CSGALNACT1: variants seen among roughly 807,000 people sequenced by gnomAD.
CSGALNACT1 encodes chondroitin sulfate N-acetylgalactosaminyltransferase 1, also known as beta4GalNAcT-1.
CSGALNACT1 carries 52 observed loss-of-function variants against 51.0 expected under a neutral mutation model. The ratio of observed to expected loss-of-function variants is 1.02; its 90% CI spans 0.82 to 1.29. The LOEUF is 1.29. Among genes scored for constraint, CSGALNACT1 ranks in the 50% most tolerant of loss-of-function variants. The probability of loss-of-function intolerance (pLI) is 0.00; values close to 1 mark genes in which losing one functional copy is unlikely to be tolerated. For missense variants in CSGALNACT1, 935 were observed against 679.2 expected (o/e 1.38, Z -4.19); for synonymous variants, 341 against 254.4 (o/e 1.34, Z -3.24).
chr8:19,481,382 C>G (rs73212558), intron 4 of CSGALNACT1, among the ~76,000 whole-genome samples: 29,419 of 151,982 alleles, frequency 0.19, 3,011 homozygotes, highest in Non-Finnish European at 0.21. Flanking sequence ...ACATCTTATT[C>G]AAAAATCTTG....
chr8:19,604,607 T>G (rs2051087723), upstream of CSGALNACT1, among the ~76,000 whole-genome samples: 1 of 151,340 alleles, frequency 6.6e-6, no homozygotes, highest in South Asian at 2.1e-4. Flanking sequence ...GTATGATTCT[T>G]TGAAATTAAG....
intron 1 of CSGALNACT1, among the ~76,000 whole-genome samples, chr8:19,625,198 G>A (rs1445484124): frequency 1.3e-5 from 2 of 152,194 alleles, no homozygotes; most frequent in African/African-American, 4.8e-5. Flanking sequence ...GGGACGTGGG[G>A]TGGTCTGTGA....
At chr8:19,502,357 G>A (rs182242260) in intron 4 of CSGALNACT1, among the ~76,000 whole-genome samples, 5 of 152,316 alleles carry the variant, frequency 3.3e-5, no homozygotes, top group Admixed American at 3.3e-4. Context: ...TTAGGAAACT[G>A]AGTCTCAAGG....
chr8:19,727,323 T>C (rs2063455372), intron 1 of CSGALNACT1, among the ~76,000 whole-genome samples: 1 of 102,448 alleles, frequency 9.8e-6, no homozygotes, highest in African/African-American at 3.5e-5. Flanking sequence ...TTTTGTTTTG[T>C]TTGATTTGGT....
At chr8:19,701,280 T>C (rs190852958) in intron 1 of CSGALNACT1, among the ~76,000 whole-genome samples, 1 of 150,318 alleles carries the variant, frequency 6.7e-6, no homozygotes, top group African/African-American at 2.4e-5. Context: ...CTCAGCCTCC[T>C]GGCTAGCTAG....
At chr8:19,756,085 T>C (rs140627761) in intron 1 of CSGALNACT1, among the ~76,000 whole-genome samples, 36 of 152,298 alleles carry the variant, frequency 2.4e-4, no homozygotes, top group African/African-American at 7.0e-4. Context: ...TTGAAGGACC[T>C]TTCTCCCTCC....
intron 3 of CSGALNACT1, among the ~76,000 whole-genome samples, chr8:19,510,979 C>T (rs1050585474): frequency 1.3e-5 from 2 of 152,218 alleles, no homozygotes; most frequent in Non-Finnish European, 2.9e-5. Context: ...TTTCAGTGAA[C>T]GTTTTGGTCA....
chr8:19,451,890 G>A (rs983606986), intron 5 of CSGALNACT1, among the ~76,000 whole-genome samples: 1 of 152,220 alleles, frequency 6.6e-6, no homozygotes, highest in East Asian at 1.9e-4. Flanking sequence ...AGATACTAAA[G>A]CTGAGATATA....
intron 3 of CSGALNACT1, among the ~76,000 whole-genome samples, chr8:19,566,354 C>A (rs751869008): frequency 6.6e-6 from 1 of 151,922 alleles, no homozygotes; most frequent in Non-Finnish European, 1.5e-5. Flanking sequence ...TCAGAGGAAG[C>A]GTGGCCCTGC....
At chr8:19,592,974 T>C (rs1407269410) in intron 2 of CSGALNACT1, among the ~76,000 whole-genome samples, 1 of 152,220 alleles carries the variant, frequency 6.6e-6, no homozygotes, top group African/African-American at 2.4e-5. Flanking sequence ...TGACTTACAA[T>C]ATTTTTGACT....
intron 1 of CSGALNACT1, among the ~76,000 whole-genome samples, chr8:19,702,053 G>C (rs1015399761): frequency 3.3e-5 from 5 of 152,144 alleles, no homozygotes; most frequent in Non-Finnish European, 2.9e-5. Context: ...GGCTTCATAA[G>C]TGCCTACCTG....
intron 3 of CSGALNACT1, among the ~76,000 whole-genome samples, chr8:19,565,943 G>A: frequency 6.6e-6 from 1 of 152,252 alleles, no homozygotes; most frequent in East Asian, 1.9e-4. Flanking sequence ...CTTCAAGGCT[G>A]ATCTAGTCTT....
chr8:19,637,449 A>G (rs560119192), intron 1 of CSGALNACT1, among the ~76,000 whole-genome samples: 2 of 152,214 alleles, frequency 1.3e-5, no homozygotes, highest in East Asian at 1.9e-4. Context: ...TTTTTGTATG[A>G]TAATGTCATA....
chr8:19,704,501 T>C (rs569578513), intron 1 of CSGALNACT1, among the ~76,000 whole-genome samples: 5 of 152,324 alleles, frequency 3.3e-5, no homozygotes, highest in Admixed American at 2.0e-4. Context: ...ATAGCCATTA[T>C]GGAAAACAGT....
At chr8:19,420,220 T>C (rs2057691097) in intron 7 of CSGALNACT1, 120 bp downstream of exon 6, 2 of 913,240 alleles carry the variant, frequency 2.2e-6, no homozygotes, top group Non-Finnish European at 3.6e-6. Flanking sequence ...TTCTTTGCTA[T>C]TGAAGTAAAA....
intron 1 of CSGALNACT1, among the ~76,000 whole-genome samples, chr8:19,666,760 GAAGAAAGAAAGAAAGA>G (rs560533569): frequency 0.015 from 871 of 56,400 alleles, 26 homozygotes; most frequent in Middle Eastern, 0.069. Context: ...AAGAAAGAAA[GAAGAAAGAAAGAAAGA>G]AAGAAAGAAA....
intron 4 of CSGALNACT1, among the ~76,000 whole-genome samples, chr8:19,469,976 G>C (rs11779939): frequency 6.6e-6 from 1 of 151,964 alleles, no homozygotes; most frequent in African/African-American, 2.4e-5. Context: ...GGGAATAAAT[G>C]CAATAGGGTA....
intron 1 of CSGALNACT1, among the ~76,000 whole-genome samples, chr8:19,687,713 T>C (rs975529077): frequency 2.0e-5 from 3 of 152,212 alleles, no homozygotes; most frequent in African/African-American, 7.2e-5. Context: ...AACTCTAGTC[T>C]TTGATCTTTA....
chr8:19,748,417 AAAC>A (rs2064817622), intron 1 of CSGALNACT1, among the ~76,000 whole-genome samples: 1 of 152,178 alleles, frequency 6.6e-6, no homozygotes, highest in Non-Finnish European at 1.5e-5. Flanking sequence ...CACATTTAAA[AAAC>A]TAAGAATAGA....
Sources: allele counts gnomAD v4.1 joint callset (sites outside exome capture counted in the v4.1 genomes callset), GRCh38; gene constraint gnomAD v4.1.1; transcripts MANE v1.5; gene names NCBI Gene and HGNC (gene_info 2026-07-23, HGNC 2026-07-21).